The following RALGAPA2 variants were observed in gnomAD, a reference collection of about 807,000 sequenced individuals.
RALGAPA2 encodes Ral GTPase activating protein catalytic subunit alpha 2.
In RALGAPA2, 139 loss-of-function variants were observed where a neutral mutation model predicts 230.4. That is an observed-to-expected ratio of 0.60 (90% CI 0.53 to 0.69). The LOEUF (loss-of-function observed/expected upper bound fraction) is 0.69, where lower values mean the gene tolerates loss of function less well. Among genes scored for constraint, RALGAPA2 ranks in the 30% least tolerant of loss-of-function variants. The probability of loss-of-function intolerance (pLI) is 0.00; values close to 1 mark genes in which losing one functional copy is unlikely to be tolerated. For missense variants in RALGAPA2, 2,163 were observed against 2,276.0 expected, an observed-to-expected ratio of 0.95 and a Z score of 1.01; for synonymous variants, 847 against 837.8, an observed-to-expected ratio of 1.01 and a Z score of -0.19.
At chr20:20,600,748 T>C (rs1416764187) in intron 16 of RALGAPA2, among the ~76,000 whole-genome samples, 1 of 152,232 alleles carries the variant, frequency 6.6e-6, no homozygotes, top group Non-Finnish European at 1.5e-5. Context: ...GGTGGCTTTA[T>C]TTATTCTTAT....
In RALGAPA2 at chr20:20,653,591, T is replaced by C. The variant is rs1204796786; in HGVS notation, c.271-4A>G. On this transcript the variant is annotated splice_region_variant and splice_polypyrimidine_tract_variant and intron_variant, in intron 3 of 39. Coordinates refer to ENST00000202677, the MANE Select transcript of RALGAPA2 (RefSeq NM_020343.4). ...CAGGTAGAAACTGCAGTATTTTCTA[T>C]TAAAAAAAGATATAAAGAAAATAAA... is the stretch of plus-strand genomic sequence containing the variant. 3 of 1,447,970 alleles carry C rather than the reference T, an allele frequency of 2.1e-6. No homozygotes were observed. Among genetic ancestry groups the C allele is most frequent in the Non-Finnish European group, 2.8e-6 (3 of 1,058,788 alleles). The allele number at this position is 1,447,970 out of a possible 1,614,324, so 89.7% of individuals were successfully genotyped here. A position where few individuals can be genotyped will look rare whatever the true frequency, so the allele number is the denominator to read the frequency against.
intron 10 of RALGAPA2, among the ~76,000 whole-genome samples, chr20:20,622,901 A>G (rs1019719594): frequency 1.3e-5 from 2 of 152,222 alleles, no homozygotes; most frequent in African/African-American, 4.8e-5. Context: ...AATAATAACA[A>G]TGGCATATAA....
intron 37 of RALGAPA2, among the ~76,000 whole-genome samples, chr20:20,451,915 T>C (rs1335401427): frequency 1.3e-5 from 2 of 152,256 alleles, no homozygotes; most frequent in African/African-American, 2.4e-5. Flanking sequence ...CATTCTCTTA[T>C]AGCTTTAAAA....
chr20:20,641,098 C>T (rs892143553), intron 5 of RALGAPA2, among the ~76,000 whole-genome samples: 4 of 152,122 alleles, frequency 2.6e-5, no homozygotes, highest in Admixed American at 1.3e-4. Flanking sequence ...CAAATGTAAG[C>T]GCTGCCACTT....
rs2295569 is a variant in RALGAPA2 at position 20,411,704 on chromosome 20, G to A, written c.5617+323C>T. Among the ~76,000 whole-genome samples, 586 of 152,218 alleles carry A rather than the reference G, an allele frequency of 3.8e-3. 6 individuals carry two copies. Among genetic ancestry groups the A allele is most frequent in the African/African-American group, 0.013 (560 of 41,524 alleles). ...TTTTTTGATAAGTAAGCACTGATTCGGGCATCGCTTTTAAACAGCATATTC... is the reference window on the plus strand; with the variant it reads ...TTTTTTGATAAGTAAGCACTGATTCAGGCATCGCTTTTAAACAGCATATTC... On this transcript the variant is annotated intron_variant, in intron 38 of 39. Transcript: ENST00000202677.
intron 15 of RALGAPA2, among the ~76,000 whole-genome samples, chr20:20,603,527 G>GAAA (rs1434959410): frequency 6.6e-6 from 1 of 152,120 alleles, no homozygotes; most frequent in Non-Finnish European, 1.5e-5. Context: ...AAATGCACTT[G>GAAA]AAAATTTGAG....
rs770341089 is a variant in RALGAPA2 at position 20,620,432 on chromosome 20, C to G, written c.1401+31G>C. On this transcript the variant is annotated intron_variant, in intron 11 of 39. Coordinates refer to ENST00000202677, the MANE Select transcript of RALGAPA2 (RefSeq NM_020343.4). ...TATACTTTACTAAAATATATTTACCCTCAACTCAAAAGACAAGTGAAAAAA... is the reference window on the plus strand; with the variant it reads ...TATACTTTACTAAAATATATTTACCGTCAACTCAAAAGACAAGTGAAAAAA... 10 of 1,605,058 alleles carry G rather than the reference C, an allele frequency of 6.2e-6. No individual in the cohort carries two copies. In the African/African-American group the frequency reaches 1.1e-4, roughly 17 times the overall value.
intron 5 of RALGAPA2, among the ~76,000 whole-genome samples, chr20:20,642,937 G>A (rs1258026924): frequency 6.6e-6 from 1 of 151,636 alleles, no homozygotes; most frequent in South Asian, 2.1e-4. Flanking sequence ...TATGTTTTAG[G>A]GTAATCTTAT....
At chr20:20,412,655 T>A (rs945009015) in intron 37 of RALGAPA2, among the ~76,000 whole-genome samples, 23 of 152,114 alleles carry the variant, frequency 1.5e-4, no homozygotes, top group Admixed American at 7.2e-4. Flanking sequence ...TGAGGGGGCA[T>A]CAGAGCCTCT....
intron 20 of RALGAPA2, among the ~76,000 whole-genome samples, chr20:20,578,841 G>C (rs576045408): frequency 6.6e-6 from 1 of 152,188 alleles, no homozygotes; most frequent in Non-Finnish European, 1.5e-5. Context: ...GCTCCCACCA[G>C]TGCAGCCTGG....
intron 20 of RALGAPA2, among the ~76,000 whole-genome samples, chr20:20,576,888 T>TA (rs2064836119): frequency 6.6e-6 from 1 of 152,298 alleles, no homozygotes; most frequent in South Asian, 2.1e-4. Flanking sequence ...TGTCTATTTT[T>TA]ATTAGTGTTT....
At chr20:20,412,613 C>T (rs1448598202) in intron 37 of RALGAPA2, among the ~76,000 whole-genome samples, 1 of 152,108 alleles carries the variant, frequency 6.6e-6, no homozygotes, top group Non-Finnish European at 1.5e-5. Context: ...ATGCAAGTTA[C>T]TGGGAAGAGA....
In RALGAPA2 at chr20:20,583,171, G is replaced by C. The variant is rs1416259361; in HGVS notation, c.2586C>G (p.Ser862=). The part of the protein sequence containing the change: ...TLGCTNEAEL[S]MGPWQTCEED... ...CCTCACAGGTCTGCCATGGGCCCAT[G>C]GACAGCTCTGCCTCATTGGTACAGC... The change falls in exon 20 of 40, where the codon TCC becomes TCG. Residue 862 remains serine, a synonymous_variant. Transcript: ENST00000202677. 3 of 1,613,508 alleles carry C rather than the reference G, an allele frequency of 1.9e-6. No homozygotes were observed. Among genetic ancestry groups the C allele is most frequent in the Non-Finnish European group, 2.5e-6 (3 of 1,179,692 alleles).
chr20:20,397,145 G>A (rs2059735034), intron 38 of RALGAPA2, among the ~76,000 whole-genome samples: 1 of 152,194 alleles, frequency 6.6e-6, no homozygotes, highest in Non-Finnish European at 1.5e-5. Flanking sequence ...AAATTCAATG[G>A]ATGACCTGAA....
rs183893042 is a variant in RALGAPA2 at position 20,526,214 on chromosome 20, A to C, written c.3693+38T>G. On this transcript the variant is annotated intron_variant, in intron 28 of 39. Transcript: ENST00000202677. Reference sequence around the variant, plus strand: ...TAAATATCAAATACAGTAAAAAGGAAATGCTTATGTTTTAGTATTACAGAA... The same window carrying C: ...TAAATATCAAATACAGTAAAAAGGACATGCTTATGTTTTAGTATTACAGAA... 5.1e-3 allele frequency: 7,026 copies of C among 1,364,338 alleles called. 35 individuals carry two copies. Among genetic ancestry groups the C allele is most frequent in the Admixed American group, 0.018 (822 of 46,114 alleles). 84.5% of individuals were successfully genotyped at this position (1,364,338 alleles called of 1,614,324 possible). A position where few individuals can be genotyped will look rare whatever the true frequency, so the allele number is the denominator to read the frequency against.
At chr20:20,644,309 GA>G (rs1283377421) in intron 4 of RALGAPA2, among the ~76,000 whole-genome samples, 1 of 152,028 alleles carries the variant, frequency 6.6e-6, no homozygotes, top group African/African-American at 2.4e-5. Flanking sequence ...GATCCTTTAA[GA>G]AAAAAATTAC....
chr20:20,712,451 C>A lies in RALGAPA2; in HGVS notation c.30G>T (p.Val10=). Residue 10 remains valine, a synonymous_variant, in exon 1 of 40, where the codon GTG becomes GTT. Transcript: ENST00000202677. This position sits in a 1 kb window ranked among gnomAD's most constrained non-coding sequence, Gnocchi z 5.5. MFSRRSHGD[V]KKSTQKVLDP... The stretch of plus-strand genomic sequence containing the variant: ...CCAGCACCTTCTGGGTGGACTTCTT[C>A]ACATCCCCGTGGCTCCTTCGGGAGA... The A allele has an allele frequency of 6.4e-7, 1 of 1,554,220 alleles. No individual in the cohort carries two copies. Among genetic ancestry groups the A allele is most frequent in the Non-Finnish European group, 8.7e-7 (1 of 1,148,414 alleles).
chr20:20,479,460 C>A (rs954526713), intron 36 of RALGAPA2, among the ~76,000 whole-genome samples: 3 of 151,998 alleles, frequency 2.0e-5, no homozygotes, highest in Non-Finnish European at 4.4e-5. Context: ...CGGGTATATC[C>A]CAAGAATACA....
intron 16 of RALGAPA2, among the ~76,000 whole-genome samples, chr20:20,595,044 T>C (rs900592348): frequency 6.6e-6 from 1 of 152,118 alleles, no homozygotes; most frequent in Non-Finnish European, 1.5e-5. Context: ...TAAAGCTCCA[T>C]TCGAAACACC....
Sources: allele counts gnomAD v4.1 joint callset (sites outside exome capture counted in the v4.1 genomes callset), GRCh38; gene constraint gnomAD v4.1.1; non-coding constraint Gnocchi (gnomAD v3.1); transcripts MANE v1.5; gene names NCBI Gene and HGNC (gene_info 2026-07-23, HGNC 2026-07-21).